Variants in EP400 observed in about 807,000 individuals in gnomAD.
EP400 encodes the protein E1A-binding protein p400.
EP400 carries 105 observed loss-of-function variants against 354.1 expected under a neutral mutation model. That is an observed-to-expected ratio of 0.30 (90% confidence interval 0.25 to 0.35). EP400 has a LOEUF of 0.35. Among genes scored for constraint, EP400 ranks in the 10% least tolerant of loss-of-function variants. The pLI is 1.00. For missense variants in EP400, 3,280 were observed against 4,121.0 expected (o/e 0.80, Z 5.59); for synonymous variants, 1,646 against 1,716.9 (o/e 0.96, Z 1.02).
chr12:132,031,808 G>A, intron 29 of EP400, 145 bp from the exon 30 acceptor site: 1 of 721,990 alleles, frequency 1.4e-6, no homozygotes, highest in Non-Finnish European at 2.3e-6. Flanking sequence ...ACCCACCTCG[G>A]CCTCCCAAAG....
At position 132,028,149 on chromosome 12, in the gene EP400, C is replaced by G; in HGVS notation, c.5242C>G (p.Gln1748Glu). The change falls in exon 27 of 53, where the codon CAG becomes GAG. Residue 1748 changes from glutamine to glutamate, a missense_variant. Physicochemically the swap from Gln to Glu is conservative, Grantham distance 29. This residue lies in a region of EP400 where 459 missense variants were observed against 496.9 expected (regional missense o/e 0.92). Transcript: ENST00000389561. ...TGCCCTGCCTAGCCATGGAAGGGTA[C>G]AGTGGCGTGGGTCCCTGGATGGCCG... is the stretch of plus-strand genomic sequence containing the variant. ...ICALPSHGRV[Q>E]WRGSLDGRRG... is the part of the protein sequence containing the mutation. 1 of 1,614,166 alleles carries G rather than the reference C, an allele frequency of 6.2e-7. No individual in the cohort carries two copies. Among genetic ancestry groups the G allele is most frequent in the African/African-American group, 1.3e-5 (1 of 75,044 alleles).
At chr12:131,987,078 T>C (rs1418125091) in intron 6 of EP400, among the ~76,000 whole-genome samples, 6 of 152,134 alleles carry the variant, frequency 3.9e-5, no homozygotes, top group Non-Finnish European at 7.4e-5. Context: ...GTGTAGCAGT[T>C]AGGCGGAGAG....
At position 132,025,764 on chromosome 12, in the gene EP400, C is replaced by A; in HGVS notation, c.4974C>A (p.Pro1658=). The change falls in exon 25 of 53, where the codon CCC becomes CCA. Residue 1658 remains proline (P), a synonymous_variant. Transcript: ENST00000389561. The surrounding 1 kb of genome is among the most constrained non-coding windows in gnomAD (Gnocchi z 4.1). ...GAVHGALGSK[P]PAGGPSPAPL... is the part of the protein sequence containing the mutation. ...TGCACGGCGCCCTGGGAAGCAAGCC[C>A]CCGGCCGGCGGTCCCAGCCCTGCAC... is the stretch of plus-strand genomic sequence containing the variant. The A allele has an allele frequency of 6.2e-7, 1 of 1,611,894 alleles. No homozygotes were observed.
intron 37 of EP400, 140 bp downstream of exon 37, chr12:132,045,093 C>T (rs1481422029): frequency 2.5e-5 from 34 of 1,374,796 alleles, no homozygotes; most frequent in Non-Finnish European, 3.2e-5. Context: ...CATCCGCTGC[C>T]TCTCAGGCCA....
intron 45 of EP400, among the ~76,000 whole-genome samples, chr12:132,056,783 A>G (rs954129128): frequency 6.6e-6 from 1 of 152,258 alleles, no homozygotes; most frequent in Non-Finnish European, 1.5e-5. Flanking sequence ...TCCTTGAGAA[A>G]TAGTAAGAAA....
In EP400 at chr12:132,050,691, G is replaced by A. The variant is rs778126922; in HGVS notation, c.7394+36G>A. On this transcript the variant is annotated intron_variant, in intron 41 of 52. Transcript: ENST00000389561. The surrounding 1 kb of genome is among the most constrained non-coding windows in gnomAD (Gnocchi z 4.8). ...ATTCGTGACACATTTGTTACTGTTT[G>A]GAAGGATTTCATTCCAGTGTCATCT... 4 of 1,613,146 alleles carry A rather than the reference G, an allele frequency of 2.5e-6. No homozygotes were observed. The highest frequency in any genetic ancestry group is 2.2e-5 in the East Asian group (1 of 44,890).
chr12:131,981,479 A>C lies in EP400; in HGVS notation c.1436-10A>C, dbSNP rs1566171007. 6.5e-7 allele frequency: 1 copy of C among 1,541,398 alleles called. No individual in the cohort carries two copies. The highest frequency in any genetic ancestry group is 8.8e-7 in the Non-Finnish European group (1 of 1,142,118). On this transcript the variant is annotated splice_polypyrimidine_tract_variant and intron_variant, in intron 3 of 52. Transcript: ENST00000389561. ...ACATCAAACTGCACCTTTTTTGAAA[A>C]TTATTCTAGAGCAGTCTAAGAGGCC...
At chr12:131,950,245 A>C (rs1777107238) in intron 1 of EP400, among the ~76,000 whole-genome samples, 2 of 151,780 alleles carry the variant, frequency 1.3e-5, no homozygotes, top group Admixed American at 1.3e-4. Flanking sequence ...GGGTCTTTCG[A>C]GTCGTAGCGC....
At position 132,079,975 on chromosome 12, in the gene EP400, G is replaced by A. The variant is rs953399368; in HGVS notation, c.*2302G>A. ...AGTTTCTAACCTAAGAATTAAGTAC[G>A]CGTTCAGGAAGCTGTTGTCTAGGCC... On this transcript the variant is annotated 3_prime_UTR_variant, in exon 53 of 53. Transcript: ENST00000389561. 1.3e-5 allele frequency: 2 copies of A among 152,134 alleles called. No individual in the cohort carries two copies. Among genetic ancestry groups the A allele is most frequent in the African/African-American group, 4.8e-5 (2 of 41,408 alleles). 9.4% of individuals were successfully genotyped at this position (152,134 alleles called of 1,614,324 possible).
Position 132,023,877 on chromosome 12 carries a change from C to G in EP400, c.4791C>G (p.Ser1597Arg), listed in dbSNP as rs769679476. 2 of 1,613,468 alleles carry G rather than the reference C, an allele frequency of 1.2e-6. No individual in the cohort carries two copies. The change falls in exon 24 of 53, where the codon AGC becomes AGG. Residue 1597 changes from serine to arginine, a missense_variant. Coordinates refer to ENST00000389561, the MANE Select transcript of EP400 (RefSeq NM_015409.5). ...ETPVTLQFQG[S>R]KFTLSHSQLR... ...CGGTGACACTGCAGTTCCAGGGCAG[C>G]AAGTTCACCCTGTCACACAGCCAGC...
chr12:131,957,225 T>G (rs932179416), intron 1 of EP400, among the ~76,000 whole-genome samples: 1 of 152,164 alleles, frequency 6.6e-6, no homozygotes, highest in Non-Finnish European at 1.5e-5. Context: ...TTCTTACCGA[T>G]TTGTATGAGT....
At chr12:131,950,716 C>T (rs1160748879) in intron 1 of EP400, among the ~76,000 whole-genome samples, 1 of 152,192 alleles carries the variant, frequency 6.6e-6, no homozygotes, top group Non-Finnish European at 1.5e-5. Flanking sequence ...TCAGCTGTCG[C>T]TGTGTCAGTG....
In EP400 at chr12:132,062,166, A is replaced by G. The variant is rs1244831793; in HGVS notation, c.7941A>G (p.Ala2647=). The change falls in exon 46 of 53, where the codon GCA becomes GCG. Residue 2647 remains alanine, a synonymous_variant. Transcript: ENST00000389561. ...QVVHTQPPPR[A]VGSPATATPD... Reference sequence around the variant, plus strand: ...TGCACACCCAGCCCCCGCCACGGGCAGTCGGCTCCCCAGCCACGGCGACCC... The same window carrying G: ...TGCACACCCAGCCCCCGCCACGGGCGGTCGGCTCCCCAGCCACGGCGACCC... The G allele has an allele frequency of 6.2e-7, 1 of 1,614,070 alleles. No individual in the cohort carries two copies. Among genetic ancestry groups the G allele is most frequent in the Admixed American group, 1.7e-5 (1 of 60,020 alleles).
intron 23 of EP400, among the ~76,000 whole-genome samples, chr12:132,023,513 TTAA>T (rs1482021214): frequency 1.3e-5 from 2 of 152,048 alleles, no homozygotes; most frequent in Non-Finnish European, 2.9e-5. Context: ...AATAGCTTCG[TTAA>T]TAATATCAAT....
chr12:132,013,360 C>T lies in EP400; in HGVS notation c.3612-130C>T. ...GCTGGGTCAGTGCAGCCCCCCTTTT[C>T]AGGCATGTGCACGTTGACATTTGCG... On this transcript the variant is annotated intron_variant, in intron 17 of 52. Transcript: ENST00000389561. The surrounding 1 kb of genome is among the most constrained non-coding windows in gnomAD (Gnocchi z 4.5). 7.2e-7 allele frequency: 1 copy of T among 1,393,362 alleles called. No homozygotes were observed. The allele number at this position is 1,393,362 out of a possible 1,614,324, so 86.3% of individuals were successfully genotyped here.
intron 15 of EP400, among the ~76,000 whole-genome samples, chr12:132,008,346 C>T (rs960276875): frequency 3.3e-5 from 5 of 152,152 alleles, no homozygotes; most frequent in Non-Finnish European, 5.9e-5. Flanking sequence ...TTGAAAAACT[C>T]GGTGCATCTC....
At position 132,053,238 on chromosome 12, in the gene EP400, G is replaced by A. The variant is rs1315680046; in HGVS notation, c.7473+14G>A. 1 of 1,613,156 alleles carries A rather than the reference G, an allele frequency of 6.2e-7. No individual in the cohort carries two copies. The highest frequency in any genetic ancestry group is 8.5e-7 in the Non-Finnish European group (1 of 1,179,966). ...AAAGAGAAAAAGGTCAGCGCCCTGGGCCCTTCTGCTTGAGTGGGAAAATGT... is the reference window on the plus strand; with the variant it reads ...AAAGAGAAAAAGGTCAGCGCCCTGGACCCTTCTGCTTGAGTGGGAAAATGT... On this transcript the variant is annotated intron_variant, in intron 42 of 52. Coordinates refer to ENST00000389561, the MANE Select transcript of EP400 (RefSeq NM_015409.5).
rs1267439480 is a variant in EP400 at position 131,990,592 on chromosome 12, C to T, written c.2551-44C>T. The T allele has an allele frequency of 7.0e-7, 1 of 1,421,576 alleles. No individual in the cohort carries two copies. The highest frequency in any genetic ancestry group is 9.8e-7 in the Non-Finnish European group (1 of 1,019,896). 88.1% of individuals were successfully genotyped at this position (1,421,576 alleles called of 1,614,324 possible). On this transcript the variant is annotated intron_variant, in intron 8 of 52. Coordinates refer to ENST00000389561, the MANE Select transcript of EP400 (RefSeq NM_015409.5). The surrounding 1 kb of genome is among the most constrained non-coding windows in gnomAD (Gnocchi z 4.2). Reference sequence around the variant, plus strand: ...TTTGTATGCAGAACGTCTGTAATTCCCATCCTTAGTAATGTGCTTATTCAT... The same window carrying T: ...TTTGTATGCAGAACGTCTGTAATTCTCATCCTTAGTAATGTGCTTATTCAT...
intron 15 of EP400, among the ~76,000 whole-genome samples, chr12:132,007,945 C>T (rs1023808464): frequency 8.3e-5 from 3 of 36,332 alleles, no homozygotes; most frequent in Admixed American, 4.0e-4. Flanking sequence ...TCACCTCCAG[C>T]GAGGGTTCTT....
Sources: gnomAD v4.1 joint callset for allele counts (sites outside exome capture counted in the v4.1 genomes callset) on GRCh38, gnomAD v4.1.1 for gene constraint, gnomAD v4.1.1 regional missense constraint, Gnocchi (gnomAD v3.1) non-coding constraint, MANE v1.5 for transcripts, NCBI Gene and HGNC (gene_info 2026-07-23, HGNC 2026-07-21) for gene names.